The following CD276 variants were observed in gnomAD, a reference collection of about 807,000 sequenced individuals.
CD276 encodes CD276 molecule, also known as CD276 antigen.
Under a neutral mutation model 50.0 loss-of-function variants are expected in CD276, and 34 were observed. That is an observed-to-expected ratio of 0.68 (90% CI 0.52 to 0.91). The LOEUF (loss-of-function observed/expected upper bound fraction) is 0.91, where lower values mean the gene tolerates loss of function less well. CD276 is among the 40% of genes least tolerant of loss of function. The pLI, the probability that CD276 is intolerant of heterozygous loss-of-function variation, is 0.00. For missense variants in CD276, 634 were observed against 717.5 expected (o/e 0.88, Z 1.33); for synonymous variants, 275 against 313.0 (o/e 0.88, Z 1.28).
rs1426233216 is a variant in CD276 at position 73,687,724 on chromosome 15, G to T, written c.-55+3264G>T. On this transcript the variant is annotated intron_variant, in intron 1 of 9. Transcript: ENST00000318443. The surrounding 1 kb of genome is among the most constrained non-coding windows in gnomAD (Gnocchi z 4.0). ...CTTTCTCCCTTTCTTTCTCTTTGTG[G>T]TCCAGAGAATGAATGCCTGCTCCAC... 6.6e-6 allele frequency among the ~76,000 whole-genome samples: 1 copy of T among 152,104 alleles called. No homozygotes were observed. The highest frequency in any genetic ancestry group is 1.5e-5 in the Non-Finnish European group (1 of 68,022).
At chr15:73,694,265 C>T (rs761073327) in intron 1 of CD276, among the ~76,000 whole-genome samples, 42 of 152,194 alleles carry the variant, frequency 2.8e-4, no homozygotes, top group Non-Finnish European at 5.1e-4. Flanking sequence ...AGTCCCCAAG[C>T]CTGGTCACTT....
intron 1 of CD276, among the ~76,000 whole-genome samples, chr15:73,693,098 G>A (rs766134792): frequency 4.6e-5 from 7 of 152,140 alleles, no homozygotes; most frequent in Admixed American, 6.5e-5. Flanking sequence ...TCCTAACCCC[G>A]GTGTACTGAA....
chr15:73,688,214 G>A (rs181228176), intron 1 of CD276, among the ~76,000 whole-genome samples: 1 of 152,194 alleles, frequency 6.6e-6, no homozygotes, highest in East Asian at 1.9e-4. Flanking sequence ...CTTGGCCAGG[G>A]AGAGTGGGGT....
At chr15:73,693,591 T>C (rs1900063140) in intron 1 of CD276, among the ~76,000 whole-genome samples, 1 of 152,106 alleles carries the variant, frequency 6.6e-6, no homozygotes, top group African/African-American at 2.4e-5. Flanking sequence ...CTTCTGATGG[T>C]TGGCTACAGA....
intron 2 of CD276, among the ~76,000 whole-genome samples, chr15:73,701,991 T>C (rs1464658024): frequency 6.6e-6 from 1 of 152,238 alleles, no homozygotes; most frequent in Admixed American, 6.5e-5. Context: ...CCCATTTGTC[T>C]CTCTCTCCCA....
chr15:73,700,377 C>T (rs1900329970), intron 2 of CD276, among the ~76,000 whole-genome samples: 1 of 152,248 alleles, frequency 6.6e-6, no homozygotes, highest in Non-Finnish European at 1.5e-5. Context: ...TTCTCATCAG[C>T]ATCTCTGCTC....
At chr15:73,712,805 C>T in intron 9 of CD276, 129 bp from the exon 10 acceptor site, 1 of 928,016 alleles carries the variant, frequency 1.1e-6, no homozygotes, top group South Asian at 1.6e-5. Flanking sequence ...CGTTGGGCTG[C>T]TGTCTCACAC....
At chr15:73,708,912 G>A (rs1403124174) in intron 7 of CD276, among the ~76,000 whole-genome samples, 1 of 152,242 alleles carries the variant, frequency 6.6e-6, no homozygotes, top group East Asian at 1.9e-4. Context: ...TGAAGCAGCT[G>A]CCATTTGCGG....
Position 73,714,126 on chromosome 15 carries a change from C to T in CD276, c.*1170C>T, listed in dbSNP as rs1901030675. ...TGGAGAGAGGGACATAGCCCCTCGC[C>T]ACGGCTAGAGAATCTGGTGGTGTCC... On this transcript the variant is annotated 3_prime_UTR_variant, in exon 10 of 10. Transcript: ENST00000318443. 3.6e-6 allele frequency: 1 copy of T among 279,242 alleles called. No homozygotes were observed. The highest frequency in any genetic ancestry group is 3.1e-5 in the South Asian group (1 of 32,034). 17.3% of individuals were successfully genotyped at this position (279,242 alleles called of 1,614,324 possible).
intron 1 of CD276, among the ~76,000 whole-genome samples, chr15:73,689,008 A>G (rs1411978717): frequency 6.6e-6 from 1 of 152,144 alleles, no homozygotes; most frequent in Non-Finnish European, 1.5e-5. Context: ...TATTGAGTGA[A>G]TGCAGATGTG....
rs758191998 is a variant in CD276 at position 73,702,962 on chromosome 15, T to C, written c.609T>C (p.Asp203=). 1 of 1,614,192 alleles carries C rather than the reference T, an allele frequency of 6.2e-7. No homozygotes were observed. Among genetic ancestry groups the C allele is most frequent in the East Asian group, 2.2e-5 (1 of 44,876 alleles). ...SQMANEQGLF[D]VHSILRVVLG... is the part of the protein sequence containing the mutation. ...TGGCCAACGAGCAGGGCTTGTTTGATGTGCACAGCATCCTGCGGGTGGTGC... is the reference window on the plus strand; with the variant it reads ...TGGCCAACGAGCAGGGCTTGTTTGACGTGCACAGCATCCTGCGGGTGGTGC... Residue 203 remains aspartate, a synonymous_variant, in exon 4 of 10, where the codon GAT becomes GAC. Coordinates refer to ENST00000318443, the MANE Select transcript of CD276 (RefSeq NM_001024736.2).
At chr15:73,712,608 G>C (rs1299535656) in intron 9 of CD276, among the ~76,000 whole-genome samples, 1 of 152,246 alleles carries the variant, frequency 6.6e-6, no homozygotes, top group East Asian at 1.9e-4. Context: ...GGATGGGATG[G>C]ACAAACAGGA....
chr15:73,686,864 T>C (rs983194686), intron 1 of CD276, among the ~76,000 whole-genome samples: 9 of 152,198 alleles, frequency 5.9e-5, no homozygotes, highest in African/African-American at 2.2e-4. Flanking sequence ...GCTGTGGATC[T>C]GAGTCATAGG....
rs1240831776 is a variant in CD276 at position 73,689,209 on chromosome 15, T to TGTGTGG, written c.-55+4754_-55+4755insGGTGTG. Among the ~76,000 whole-genome samples the TGTGTGG allele has an allele frequency of 6.5e-4, 99 of 151,978 alleles. 2 individuals carry two copies. The South Asian group carries it at 0.019, about 29-fold the overall frequency. On this transcript the variant is annotated intron_variant, in intron 1 of 9. Transcript: ENST00000318443. Reference sequence around the variant, plus strand: ...CCTCCTGTGTGTGTGTGTGTGTGTGTGTGTGTGTGTGTGTGTGTGTACACA... The same window carrying TGTGTGG: ...CCTCCTGTGTGTGTGTGTGTGTGTGTGTGTGGGTGTGTGTGTGTGTGTGTGTACACA...
In CD276 at chr15:73,713,391, C is replaced by T. The variant is rs1192677829; in HGVS notation, c.*435C>T. ...CACCAAAGACACGATGCATAGTCAC[C>T]CCGGCCTTGTTTCTCCAATGGCCGT... is the stretch of plus-strand genomic sequence containing the variant. On this transcript the variant is annotated 3_prime_UTR_variant, in exon 10 of 10. Transcript: ENST00000318443. 3.8e-6 allele frequency: 1 copy of T among 260,610 alleles called. No individual in the cohort carries two copies. The highest frequency in any genetic ancestry group is 2.4e-5 in the African/African-American group (1 of 42,490). The allele number at this position is 260,610 out of a possible 1,614,324, so 16.1% of individuals were successfully genotyped here. A position where few individuals can be genotyped will look rare whatever the true frequency, so the allele number is the denominator to read the frequency against.
chr15:73,702,649 G>A, intron 3 of CD276, 56 bp downstream of exon 3: 1 of 1,565,032 alleles, frequency 6.4e-7, no homozygotes, highest in Non-Finnish European at 8.7e-7. Context: ...TCCCCCTGCA[G>A]CCCACCCCCT....
In CD276 at chr15:73,712,643, G is replaced by A. The variant is rs551548586; in HGVS notation, c.1583-291G>A. On this transcript the variant is annotated intron_variant, in intron 9 of 9. Transcript: ENST00000318443. ...AGATGAGAAGGGAAAAGTGTTGCAC[G>A]TAGAGGGAGAGTGGAGGGAAGTGTA... 2.9e-4 allele frequency among the ~76,000 whole-genome samples: 44 copies of A among 152,326 alleles called. 1 individual carries two copies. The South Asian group carries it at 8.3e-3, about 29-fold the overall frequency.
At position 73,713,562 on chromosome 15, in the gene CD276, TG is replaced by T. The variant is rs879499482; in HGVS notation, c.*608del. The T allele has an allele frequency of 3.2e-6, 1 of 316,040 alleles. No homozygotes were observed. Among genetic ancestry groups the T allele is most frequent in the Admixed American group, 5.2e-5 (1 of 19,170 alleles). The allele number at this position is 316,040 out of a possible 1,614,324, so 19.6% of individuals were successfully genotyped here. A position where few individuals can be genotyped will look rare whatever the true frequency, so the allele number is the denominator to read the frequency against. Reference sequence around the variant, plus strand: ...CCTCCTCTTGCTCTAGCCTTAATACTGGCCTTTTCCCTCCCTGCCCCAAGTG... The same window carrying T: ...CCTCCTCTTGCTCTAGCCTTAATACTGCCTTTTCCCTCCCTGCCCCAAGTG... On this transcript the variant is annotated 3_prime_UTR_variant, in exon 10 of 10. Coordinates refer to ENST00000318443, the MANE Select transcript of CD276 (RefSeq NM_001024736.2).
At chr15:73,711,255 T>C in intron 9 of CD276, 85 bp downstream of exon 9, 1 of 1,439,664 alleles carries the variant, frequency 6.9e-7, no homozygotes, top group Non-Finnish European at 9.7e-7. Context: ...GCATCATCCT[T>C]TCACTAGTGA....
Sources: allele counts gnomAD v4.1 joint callset (sites outside exome capture counted in the v4.1 genomes callset), GRCh38; gene constraint gnomAD v4.1.1; non-coding constraint Gnocchi (gnomAD v3.1); transcripts MANE v1.5; gene names NCBI Gene and HGNC (gene_info 2026-07-23, HGNC 2026-07-21).